Variants in KCTD19 observed in about 807,000 individuals in gnomAD.
The protein encoded by KCTD19 is BTB/POZ domain-containing protein KCTD19.
A neutral mutation model predicts 103.5 loss-of-function variants in KCTD19; 67 were observed. The ratio of observed to expected loss-of-function variants is 0.65; its 90% CI spans 0.53 to 0.79. The LOEUF is 0.79. Among genes scored for constraint, KCTD19 ranks in the 30% least tolerant of loss-of-function variants. The probability of loss-of-function intolerance (pLI) is 0.00; values close to 1 mark genes in which losing one functional copy is unlikely to be tolerated. For missense variants in KCTD19, 980 were observed against 1,136.1 expected (o/e 0.86, Z 1.98); for synonymous variants, 439 against 452.2 (o/e 0.97, Z 0.37).
At position 67,320,442 on chromosome 16, in the gene KCTD19, G is replaced by A; in HGVS notation, c.300+147C>T. The A allele has an allele frequency of 3.8e-6, 3 of 782,700 alleles. No individual in the cohort carries two copies. The highest frequency in any genetic ancestry group is 6.3e-6 in the Non-Finnish European group (3 of 478,578). The allele number at this position is 782,700 out of a possible 1,614,324, so 48.5% of individuals were successfully genotyped here. On this transcript the variant is annotated intron_variant, in intron 2 of 15. Transcript: ENST00000304372. This position sits in a 1 kb window ranked among gnomAD's most constrained non-coding sequence, Gnocchi z 4.0. ...CCTTTTTACTCACCCCTATACTAAT[G>A]AGGAAATTATTTATTACTTTAACAC...
At chr16:67,295,912 T>C (rs1212697672) in intron 8 of KCTD19, 1 of 443,906 alleles carries the variant, frequency 2.3e-6, no homozygotes, top group Non-Finnish European at 4.2e-6. Flanking sequence ...ACCCAGCTAA[T>C]TTTTGTATTT....
At chr16:67,305,744 C>G in intron 2 of KCTD19, 1 of 346,150 alleles carries the variant, frequency 2.9e-6, no homozygotes, top group South Asian at 2.2e-5. Context: ...TTAAAGGCAC[C>G]AGATCCTCAA....
intron 2 of KCTD19, among the ~76,000 whole-genome samples, chr16:67,317,692 T>C (rs1312471325): frequency 1.3e-5 from 2 of 152,172 alleles, no homozygotes; most frequent in African/African-American, 4.8e-5. Context: ...TAAATTGATG[T>C]CATCTGTTTC....
intron 2 of KCTD19, among the ~76,000 whole-genome samples, chr16:67,309,557 C>A (rs576655202): frequency 6.6e-6 from 1 of 152,330 alleles, no homozygotes; most frequent in African/African-American, 2.4e-5. Flanking sequence ...GGCAGCGTAG[C>A]ACTCCAAGCC....
At chr16:67,326,311 C>CT (rs2037167584) in intron 1 of KCTD19, among the ~76,000 whole-genome samples, 1 of 152,146 alleles carries the variant, frequency 6.6e-6, no homozygotes, top group South Asian at 2.1e-4. Context: ...CCCAACCTTT[C>CT]AGATCTGGAG....
intron 15 of KCTD19, 60 bp from the exon 16 acceptor site, chr16:67,289,742 T>C (rs1177503968): frequency 2.3e-6 from 3 of 1,297,910 alleles, no homozygotes; most frequent in South Asian, 2.4e-5. Flanking sequence ...TCTAGCTCCA[T>C]GTGGGTGGGG....
At chr16:67,317,885 G>C (rs892518940) in intron 2 of KCTD19, among the ~76,000 whole-genome samples, 1 of 152,156 alleles carries the variant, frequency 6.6e-6, no homozygotes, top group Non-Finnish European at 1.5e-5. Flanking sequence ...GGCTGCCTGA[G>C]TAGAGTCTAA....
At position 67,297,704 on chromosome 16, in the gene KCTD19, G is replaced by C. The variant is rs760044727; in HGVS notation, c.987-41C>G. On this transcript the variant is annotated intron_variant, in intron 6 of 15. Coordinates refer to ENST00000304372, the MANE Select transcript of KCTD19 (RefSeq NM_001100915.3). ...GTCTGTCATGAAGAACATCAGCATT[G>C]TACCCCAAGAGAGTCGAGCCTGTAA... 3.4e-5 allele frequency: 54 copies of C among 1,599,746 alleles called. No homozygotes were observed. In the East Asian group the frequency reaches 1.2e-3, roughly 35 times the overall value.
chr16:67,295,206 G>A, intron 9 of KCTD19, 57 bp downstream of exon 9: 1 of 1,600,204 alleles, frequency 6.2e-7, no homozygotes, highest in Non-Finnish European at 8.6e-7. Flanking sequence ...CTCCTTTGTT[G>A]CTAAGGGAGG....
intron 1 of KCTD19, among the ~76,000 whole-genome samples, chr16:67,324,646 T>C (rs1406098984): frequency 6.6e-6 from 1 of 152,258 alleles, no homozygotes. Flanking sequence ...GGTGATTACT[T>C]AAGAAAGGAA....
In KCTD19 at chr16:67,303,713, A is replaced by G. The variant is rs1303075682; in HGVS notation, c.452-376T>C. 2.0e-5 allele frequency among the ~76,000 whole-genome samples: 3 copies of G among 151,772 alleles called. No individual in the cohort carries two copies. Among genetic ancestry groups the G allele is most frequent in the Admixed American group, 2.0e-4 (3 of 15,244 alleles). On this transcript the variant is annotated intron_variant, in intron 3 of 15. Coordinates refer to ENST00000304372, the MANE Select transcript of KCTD19 (RefSeq NM_001100915.3). This position sits in a 1 kb window ranked among gnomAD's most constrained non-coding sequence, Gnocchi z 4.3. ...CAGGCACGTGCCACCACACCCAGCT[A>G]ATTTTTGTGTTTTCAGTAGAGACGG...
chr16:67,321,462 G>T (rs2037071776), intron 1 of KCTD19, among the ~76,000 whole-genome samples: 1 of 152,166 alleles, frequency 6.6e-6, no homozygotes, highest in African/African-American at 2.4e-5. Context: ...TGGATTGGAA[G>T]ATTTAATATC....
At position 67,303,189 on chromosome 16, in the gene KCTD19, C is replaced by T. The variant is rs201441294; in HGVS notation, c.600G>A (p.Thr200=). The T allele has an allele frequency of 1.3e-5, 21 of 1,612,760 alleles. No homozygotes were observed. Among genetic ancestry groups the T allele is most frequent in the East Asian group, 1.1e-4 (5 of 44,822 alleles). Residue 200 remains threonine (T), a synonymous_variant, in exon 4 of 16, where the codon ACG becomes ACA. Transcript: ENST00000304372. The surrounding 1 kb of genome is among the most constrained non-coding windows in gnomAD (Gnocchi z 4.3). The part of the protein sequence containing the change: ...TEDNLLWLAE[T]VALIECECSE... Reference sequence around the variant, plus strand: ...TGCACTCGCACTCGATGAGGGCCACCGTCTCAGCCAGCCACAGCAGGTTGT... The same window carrying T: ...TGCACTCGCACTCGATGAGGGCCACTGTCTCAGCCAGCCACAGCAGGTTGT...
chr16:67,291,449 T>G lies in KCTD19; in HGVS notation c.2425A>C (p.Ser809Arg). 6.8e-6 allele frequency: 11 copies of G among 1,613,758 alleles called. No homozygotes were observed. Among genetic ancestry groups the G allele is most frequent in the Non-Finnish European group, 8.5e-6 (10 of 1,179,830 alleles). The change falls in exon 14 of 16, where the codon AGT becomes CGT. Residue 809 changes from serine to arginine, a missense_variant. Coordinates refer to ENST00000304372, the MANE Select transcript of KCTD19 (RefSeq NM_001100915.3). ...SPQPQEVTFLSFSLSWEEMFY... is the reference protein window; with the variant it reads ...SPQPQEVTFLRFSLSWEEMFY... ...ATCTCTTCCCAGGACAGAGAGAAAC[T>G]CAGGAAAGTCACTTCTGTGGAGGAG...
Position 67,295,029 on chromosome 16 carries a change from C to T in KCTD19, c.1419G>A (p.Val473=), listed in dbSNP as rs1255492198. ...FKEWPLFCQE[V]EEYHIPSLSE... is the part of the protein sequence containing the mutation. The stretch of plus-strand genomic sequence containing the variant: ...AGAGGGATGGAATGTGGTATTCCTC[C>T]ACCTCCTGGCAGAAGAGGGGCCATT... Residue 473 remains valine, a synonymous_variant, in exon 10 of 16, where the codon GTG becomes GTA. Coordinates refer to ENST00000304372, the MANE Select transcript of KCTD19 (RefSeq NM_001100915.3). 4.3e-6 allele frequency: 7 copies of T among 1,613,946 alleles called. No homozygotes were observed. The African/African-American group carries it at 9.3e-5, about 22-fold the overall frequency.
intron 2 of KCTD19, among the ~76,000 whole-genome samples, chr16:67,318,557 CA>C (rs764640736): frequency 0.15 from 9,067 of 59,566 alleles, 696 homozygotes; most frequent in African/African-American, 0.36. Context: ...GACTCTATCT[CA>C]AAAAAAAAAA....
At position 67,320,737 on chromosome 16, in the gene KCTD19, C is replaced by T; in HGVS notation, c.152G>A (p.Ser51Asn). The T allele has an allele frequency of 6.2e-7, 1 of 1,614,142 alleles. No homozygotes were observed. Among genetic ancestry groups the T allele is most frequent in the Non-Finnish European group, 8.5e-7 (1 of 1,180,026 alleles). The change falls in exon 2 of 16, where the codon AGC (serine) becomes AAC (asparagine). Residue 51 changes from serine to asparagine, a missense_variant. Coordinates refer to ENST00000304372, the MANE Select transcript of KCTD19 (RefSeq NM_001100915.3). The surrounding 1 kb of genome is among the most constrained non-coding windows in gnomAD (Gnocchi z 4.0). The part of the protein sequence containing the change: ...KEASALTSSE[S>N]QRLFIDRDGS... ...ATCTCTGTCGATAAATAGCCTCTGG[C>T]TTTCTGAAGAGGTCAAGGCTGAAGC...
At position 67,320,910 on chromosome 16, in the gene KCTD19, C is replaced by G; in HGVS notation, c.4-25G>C. On this transcript the variant is annotated intron_variant, in intron 1 of 15. Transcript: ENST00000304372. This position sits in a 1 kb window ranked among gnomAD's most constrained non-coding sequence, Gnocchi z 4.0. ...CCTAAAGGGGGAATGAAAAAGAGAT[C>G]TACGCAAGAAAAAGAAATAAAAAGG... 1 of 1,575,276 alleles carries G rather than the reference C, an allele frequency of 6.3e-7. No individual in the cohort carries two copies. The highest frequency in any genetic ancestry group is 8.6e-7 in the Non-Finnish European group (1 of 1,164,360).
intron 14 of KCTD19, 25 bp downstream of exon 14, chr16:67,291,284 A>G: frequency 2.5e-6 from 4 of 1,607,248 alleles, no homozygotes; most frequent in South Asian, 1.1e-5. Context: ...AGGGTGCCCC[A>G]GGGCCTGAGG....
Sources: gnomAD v4.1 joint callset for allele counts (sites outside exome capture counted in the v4.1 genomes callset) on GRCh38, gnomAD v4.1.1 for gene constraint, Gnocchi (gnomAD v3.1) non-coding constraint, MANE v1.5 for transcripts, NCBI Gene and HGNC (gene_info 2026-07-23, HGNC 2026-07-21) for gene names.